The following TF variants were observed in gnomAD, a reference collection of about 807,000 sequenced individuals.
TF encodes transferrin.
TF carries 55 observed loss-of-function variants against 82.4 expected under a neutral mutation model. The observed-to-expected ratio is 0.67, with a 90% CI of 0.54 to 0.84. TF has a LOEUF of 0.84. Ranked by LOEUF, TF falls within the 40% of genes least tolerant of loss-of-function variation. TF has a pLI of 0.00. For synonymous variants in TF, 332 were observed against 332.6 expected (o/e 1.00, Z 0.02); for missense variants, 737 against 868.4 (o/e 0.85, Z 1.90).
the TF span, among the ~76,000 whole-genome samples, chr3:133,733,068 G>C: frequency 2.0e-5 from 3 of 152,182 alleles, no homozygotes; most frequent in East Asian, 5.8e-4. Context: ...TTCCTGCCTT[G>C]CAGTGTGAAG....
chr3:133,734,172 G>A, the TF span, among the ~76,000 whole-genome samples: 4 of 152,136 alleles, frequency 2.6e-5, no homozygotes, highest in Admixed American at 2.0e-4. Flanking sequence ...AGGTATAGAC[G>A]TGTGTGTGTT....
intron 2 of TF, 42 bp downstream of exon 2, chr3:133,748,626 CTT>C: frequency 1.2e-6 from 2 of 1,609,524 alleles, no homozygotes; most frequent in Non-Finnish European, 1.7e-6. Flanking sequence ...GAAAGCCATA[CTT>C]TCTCTGTTTC....
chr3:133,677,516 G>C, the TF span, among the ~76,000 whole-genome samples: 5 of 151,966 alleles, frequency 3.3e-5, no homozygotes, highest in African/African-American at 1.2e-4. Context: ...GGGCGCCTGC[G>C]ATCCCAGCTA....
chr3:133,733,827 G>T, the TF span, among the ~76,000 whole-genome samples: 2 of 151,422 alleles, frequency 1.3e-5, no homozygotes, highest in African/African-American at 4.9e-5. Flanking sequence ...TCATTTCCCT[G>T]CCTTTCTCTT....
the TF span, among the ~76,000 whole-genome samples, chr3:133,664,711 A>T: frequency 2.6e-5 from 4 of 152,086 alleles, no homozygotes; most frequent in Admixed American, 2.6e-4. Context: ...GTATTTTTAA[A>T]TTTTGTTTTT....
At chr3:133,766,527 G>T (rs1525891) in intron 12 of TF, 94 bp downstream of exon 12, 4 of 1,538,444 alleles carry the variant, frequency 2.6e-6, no homozygotes, top group South Asian at 2.3e-5. Context: ...GGTGCTGTGG[G>T]CTCTGGTTCT....
chr3:133,716,320 T>C, the TF span, among the ~76,000 whole-genome samples: 1 of 152,158 alleles, frequency 6.6e-6, no homozygotes, highest in Non-Finnish European at 1.5e-5. Context: ...ATCTCAAACT[T>C]AAATGTCCAA....
the TF span, among the ~76,000 whole-genome samples, chr3:133,706,391 G>A: frequency 3.9e-5 from 6 of 152,184 alleles, no homozygotes; most frequent in South Asian, 2.1e-4. Flanking sequence ...AAGTTCCTCC[G>A]TTTTGTGCCT....
chr3:133,710,756 T>C, the TF span, among the ~76,000 whole-genome samples: 3 of 152,306 alleles, frequency 2.0e-5, no homozygotes, highest in Non-Finnish European at 4.4e-5. Context: ...TCTCTCAACA[T>C]GTAAACACAC....
the TF span, among the ~76,000 whole-genome samples, chr3:133,721,625 T>C: frequency 2.0e-5 from 3 of 152,206 alleles, no homozygotes; most frequent in African/African-American, 4.8e-5. Flanking sequence ...AGTTAAAGTC[T>C]TTTTTCTTTT....
rs1934454801 is a variant in TF, at chr3:133,778,653, G to T, written c.*33G>T. ...GAGGTAGGGCTGCCACCAAGGTGAA[G>T]ATGGGAACGCAGATGATCCATGAGT... On this transcript the variant is annotated 3_prime_UTR_variant, in exon 17 of 17. Coordinates refer to ENST00000402696, the MANE Select transcript of TF (RefSeq NM_001063.4). 2.5e-6 allele frequency: 4 copies of T among 1,612,292 alleles called. No individual in the cohort carries two copies. The highest frequency in any genetic ancestry group is 3.3e-5 in the Admixed American group (2 of 59,926).
At chr3:133,755,538 A>G in intron 5 of TF, 43 bp downstream of exon 5, 1 of 1,612,570 alleles carries the variant, frequency 6.2e-7, no homozygotes, top group Non-Finnish European at 8.5e-7. Context: ...AAAGTGCCAA[A>G]TGTCCTCAGG....
In TF at chr3:133,775,514, T is replaced by C; in HGVS notation, c.1769T>C (p.Val590Ala). The change falls in exon 15 of 17, where the codon GTG becomes GCG. Residue 590 changes from valine to alanine, a missense_variant. Val to Ala is a moderately conservative substitution (Grantham distance 64). Coordinates refer to ENST00000402696, the MANE Select transcript of TF (RefSeq NM_001063.4). ...LLCLDGTRKP[V>A]EEYANCHLAR... ...TGCCTTGATGGTACCAGGAAACCTG[T>C]GGAGGAGTATGCGAACTGCCACCTG... 1 of 1,614,190 alleles carries C rather than the reference T, an allele frequency of 6.2e-7. No homozygotes were observed. The highest frequency in any genetic ancestry group is 8.5e-7 in the Non-Finnish European group (1 of 1,180,022).
the TF span, among the ~76,000 whole-genome samples, chr3:133,736,444 A>G: frequency 3.6e-4 from 55 of 152,292 alleles, no homozygotes; most frequent in Middle Eastern, 3.4e-3. Flanking sequence ...GATCAAATTC[A>G]CACATAACAA....
At chr3:133,731,979 G>T in the TF span, among the ~76,000 whole-genome samples, 2 of 152,168 alleles carry the variant, frequency 1.3e-5, no homozygotes, top group African/African-American at 4.8e-5. Flanking sequence ...GCTAGGATCT[G>T]TCTGCTCTGT....
intron 10 of TF, 73 bp from the exon 11 acceptor site, chr3:133,764,802 A>G (rs1677527000): frequency 6.9e-7 from 1 of 1,447,430 alleles, no homozygotes; most frequent in East Asian, 2.3e-5. Flanking sequence ...TAGCTGCAGC[A>G]TAAAAAAAAG....
Position 133,768,194 on chromosome 3 carries a change from A to G in TF, c.1622+30A>G, listed in dbSNP as rs1227869316. ...GTCTTTTAACCCTGAAACAAATAGA[A>G]TAATATACAAGCCCTGGCCAGATTT... is the stretch of plus-strand genomic sequence containing the variant. On this transcript the variant is annotated intron_variant, in intron 13 of 16. Transcript: ENST00000402696. 1.9e-6 allele frequency: 3 copies of G among 1,613,644 alleles called. No individual in the cohort carries two copies. The African/African-American group carries it at 4.0e-5, about 22-fold the overall frequency.
chr3:133,729,515 C>T, the TF span, among the ~76,000 whole-genome samples: 962 of 152,306 alleles, frequency 6.3e-3, 15 homozygotes, highest in African/African-American at 0.022. Context: ...GTCGGAAAAG[C>T]GCAGTATTCG....
the TF span, chr3:133,699,346 T>G: frequency 1.6e-6 from 1 of 613,342 alleles, no homozygotes; most frequent in Non-Finnish European, 2.8e-6. Flanking sequence ...TCAGTCCTCT[T>G]CAGGCCACAT....
Sources: allele counts gnomAD v4.1 joint callset (sites outside exome capture counted in the v4.1 genomes callset), GRCh38; gene constraint gnomAD v4.1.1; transcripts MANE v1.5; gene names NCBI Gene and HGNC (gene_info 2026-07-23, HGNC 2026-07-21).